Variants in CHLSN observed in about 807,000 individuals in gnomAD.
CHLSN encodes the protein cholesin, also known as protein cholesin.
chr7:1,101,422 G>A, the CHLSN span, among the ~76,000 whole-genome samples: 3,257 of 151,632 alleles, frequency 0.021, 61 homozygotes, highest in Non-Finnish European at 0.029. Context: ...CGCGTGCGGC[G>A]TCGGACCAGG....
the CHLSN span, among the ~76,000 whole-genome samples, chr7:1,130,881 C>T: frequency 8.4e-3 from 1,281 of 152,288 alleles, 15 homozygotes; most frequent in African/African-American, 0.03. Flanking sequence ...CCCAGAAAGC[C>T]AGATCCCACC....
At chr7:994,569 G>A in the CHLSN span, among the ~76,000 whole-genome samples, 2 of 151,912 alleles carry the variant, frequency 1.3e-5, no homozygotes, top group Non-Finnish European at 1.5e-5. Context: ...TCAGCCTCCC[G>A]AGTAGCTGTG....
chr7:1,076,688 T>A, the CHLSN span, among the ~76,000 whole-genome samples: 1 of 152,146 alleles, frequency 6.6e-6, no homozygotes, highest in South Asian at 2.1e-4. Flanking sequence ...TCCAAGATCT[T>A]TTCCTCCACT....
At chr7:1,120,212 C>A in the CHLSN span, among the ~76,000 whole-genome samples, 7 of 152,292 alleles carry the variant, frequency 4.6e-5, no homozygotes, top group East Asian at 1.2e-3. Flanking sequence ...ACAGCACTTA[C>A]CAGAGCCGCC....
chr7:1,000,153 C>T, the CHLSN span, among the ~76,000 whole-genome samples: 3,370 of 152,272 alleles, frequency 0.022, 127 homozygotes, highest in African/African-American at 0.076. Flanking sequence ...ACAAAGGCAC[C>T]GGGAGACCTG....
At chr7:1,055,332 C>A in the CHLSN span, 1 of 471,152 alleles carries the variant, frequency 2.1e-6, no homozygotes, top group Non-Finnish European at 4.4e-6. Context: ...GGCGGCCAGG[C>A]GCGCTGCTGA....
the CHLSN span, among the ~76,000 whole-genome samples, chr7:998,004 C>T: frequency 1.3e-5 from 2 of 152,368 alleles, no homozygotes; most frequent in Admixed American, 1.3e-4. Flanking sequence ...GCAGACAAAA[C>T]ACTCAATTAA....
chr7:1,000,962 C>G, the CHLSN span, among the ~76,000 whole-genome samples: 2 of 152,202 alleles, frequency 1.3e-5, no homozygotes, highest in Non-Finnish European at 2.9e-5. Context: ...GAACAATACC[C>G]TGAGTCCCAG....
the CHLSN span, among the ~76,000 whole-genome samples, chr7:1,073,370 A>C: frequency 2.0e-5 from 3 of 151,542 alleles, no homozygotes; most frequent in African/African-American, 7.3e-5. Context: ...GCCGGCAGCT[A>C]CTCCCCGCGC....
the CHLSN span, among the ~76,000 whole-genome samples, chr7:1,111,421 T>C: frequency 1.3e-5 from 2 of 152,216 alleles, no homozygotes; most frequent in African/African-American, 4.8e-5. Flanking sequence ...TGAAACCAAC[T>C]ACTATTCTCA....
chr7:999,329 G>T, the CHLSN span, among the ~76,000 whole-genome samples: 30 of 152,252 alleles, frequency 2.0e-4, no homozygotes, highest in African/African-American at 7.0e-4. Context: ...GCTGCGCCGG[G>T]CGTGAGGGTT....
chr7:1,091,920 C>G, the CHLSN span: 1 of 1,614,070 alleles, frequency 6.2e-7, no homozygotes, highest in Non-Finnish European at 8.5e-7. Context: ...TCTCGTGCCT[C>G]TACACCATCT....
chr7:1,000,563 AAGAC>A, the CHLSN span: 2 of 1,597,876 alleles, frequency 1.3e-6, no homozygotes, highest in African/African-American at 1.3e-5. Context: ...TAGGGAAAGA[AAGAC>A]AAACATCTCA....
chr7:1,049,326 C>T, the CHLSN span, among the ~76,000 whole-genome samples: 1 of 152,226 alleles, frequency 6.6e-6, no homozygotes, highest in African/African-American at 2.4e-5. Flanking sequence ...CAGGCCAGGG[C>T]TGGTAACAGG....
At chr7:1,040,118 C>T in the CHLSN span, among the ~76,000 whole-genome samples, 1 of 144,280 alleles carries the variant, frequency 6.9e-6, no homozygotes, top group Non-Finnish European at 1.6e-5. Context: ...CCACTATTGT[C>T]CCATGACCCA....
the CHLSN span, among the ~76,000 whole-genome samples, chr7:1,132,149 A>G: frequency 3.3e-5 from 5 of 152,258 alleles, no homozygotes; most frequent in Non-Finnish European, 7.3e-5. Context: ...GGATTAGGCA[A>G]TGGCCTCTTA....
the CHLSN span, among the ~76,000 whole-genome samples, chr7:1,017,948 T>C: frequency 2.7e-4 from 41 of 152,334 alleles, no homozygotes; most frequent in South Asian, 1.2e-3. Context: ...TTTTCTAAAA[T>C]GTGGCAGAAA....
At chr7:1,010,019 G>GC in the CHLSN span, 1 of 1,605,090 alleles carries the variant, frequency 6.2e-7, no homozygotes, top group Non-Finnish European at 8.5e-7. Flanking sequence ...CACAAGGCCT[G>GC]CCTCCCGCAG....
the CHLSN span, among the ~76,000 whole-genome samples, chr7:1,072,712 C>T: frequency 0.13 from 16,596 of 130,082 alleles, 1,174 homozygotes; most frequent in Middle Eastern, 0.33. Flanking sequence ...GATGGAGTCT[C>T]GCTCCATCGT....
Sources: gnomAD v4.1 joint callset for allele counts (sites outside exome capture counted in the v4.1 genomes callset) on GRCh38, gnomAD v4.1.1 for gene constraint, MANE v1.5 for transcripts, NCBI Gene and HGNC (gene_info 2026-07-23, HGNC 2026-07-21) for gene names.